The following ASPRV1 variants were observed in gnomAD, a reference collection of about 807,000 sequenced individuals.
The protein encoded by ASPRV1 is retroviral-like aspartic protease 1.
Under a neutral mutation model 11.0 loss-of-function variants are expected in ASPRV1, and 7 were observed. The observed-to-expected ratio is 0.64, with a 90% CI of 0.36 to 1.20. The LOEUF (loss-of-function observed/expected upper bound fraction) is 1.20, where lower values mean the gene tolerates loss of function less well. Among genes scored for constraint, ASPRV1 ranks in the 50% most tolerant of loss-of-function variants. The pLI is 0.02. For synonymous variants in ASPRV1, 136 were observed against 138.4 expected (o/e 0.98, Z 0.12); for missense variants, 299 against 320.0 (o/e 0.93, Z 0.50).
At chr2:70,001,569 C>A in the ASPRV1 span, among the ~76,000 whole-genome samples, 2 of 152,086 alleles carry the variant, frequency 1.3e-5, no homozygotes, top group South Asian at 4.1e-4. Context: ...ACCAGCCTGA[C>A]CAACATGGTG....
chr2:70,023,807 T>C, the ASPRV1 span, among the ~76,000 whole-genome samples: 1 of 152,204 alleles, frequency 6.6e-6, no homozygotes, highest in Non-Finnish European at 1.5e-5. Context: ...TAATTGTTTG[T>C]AAGTGAAAGT....
the ASPRV1 span, among the ~76,000 whole-genome samples, chr2:70,071,967 T>TA: frequency 2.8e-4 from 42 of 150,888 alleles, no homozygotes; most frequent in Admixed American, 1.9e-3. Flanking sequence ...TTTTTTTTTT[T>TA]ATGAGAAAGA....
the ASPRV1 span, among the ~76,000 whole-genome samples, chr2:70,023,145 T>C: frequency 1.3e-5 from 2 of 152,180 alleles, no homozygotes; most frequent in Non-Finnish European, 2.9e-5. Flanking sequence ...GCCTGATAAG[T>C]AGTCCCGCCA....
chr2:69,976,973 C>T, the ASPRV1 span, among the ~76,000 whole-genome samples: 1 of 152,094 alleles, frequency 6.6e-6, no homozygotes, highest in African/African-American at 2.4e-5. Context: ...AGGTGGATCG[C>T]CTGAGGTCAG....
the ASPRV1 span, among the ~76,000 whole-genome samples, chr2:69,994,514 T>C: frequency 5.3e-5 from 8 of 152,252 alleles, no homozygotes; most frequent in East Asian, 9.7e-4. Context: ...GTGCAGCATG[T>C]GGGCGGTACA....
chr2:69,987,294 G>C, the ASPRV1 span, among the ~76,000 whole-genome samples: 1 of 151,974 alleles, frequency 6.6e-6, no homozygotes, highest in Admixed American at 6.6e-5. Context: ...GGCATCTCCT[G>C]TCTCCCTTCT....
chr2:70,026,731 C>T, the ASPRV1 span, among the ~76,000 whole-genome samples: 2 of 152,084 alleles, frequency 1.3e-5, no homozygotes, highest in African/African-American at 4.8e-5. Flanking sequence ...ATATCTCATG[C>T]TCATAGATTG....
chr2:70,055,489 G>A, the ASPRV1 span: 1 of 152,124 alleles, frequency 6.6e-6, no homozygotes. Context: ...GCAGGGACAT[G>A]GATGAAGCTG....
At chr2:70,030,756 T>C in the ASPRV1 span, 2 of 152,088 alleles carry the variant, frequency 1.3e-5, no homozygotes, top group Non-Finnish European at 2.9e-5. Flanking sequence ...GTGTATAAGA[T>C]ACAGAGGGGA....
the ASPRV1 span, among the ~76,000 whole-genome samples, chr2:69,997,111 A>G: frequency 3.3e-5 from 5 of 151,820 alleles, no homozygotes; most frequent in Admixed American, 2.6e-4. Flanking sequence ...GCTTAAGCCC[A>G]GAAGTTGAAA....
the ASPRV1 span, among the ~76,000 whole-genome samples, chr2:69,981,505 T>C: frequency 7.2e-5 from 11 of 152,214 alleles, no homozygotes; most frequent in Non-Finnish European, 1.5e-4. Context: ...CATTTATAAA[T>C]TTTTACACAA....
At chr2:69,940,497 T>A in the ASPRV1 span, 1 of 152,640 alleles carries the variant, frequency 6.6e-6, no homozygotes, top group Non-Finnish European at 1.5e-5. Flanking sequence ...TTTGTGTACT[T>A]CTTTGTTTAA....
chr2:70,037,087 A>G, the ASPRV1 span, among the ~76,000 whole-genome samples: 4 of 152,112 alleles, frequency 2.6e-5, no homozygotes, highest in Non-Finnish European at 2.9e-5. Flanking sequence ...TCTAAATGGA[A>G]ATCTCCAGCC....
the ASPRV1 span, among the ~76,000 whole-genome samples, chr2:70,068,780 A>AT: frequency 4.9e-4 from 74 of 150,666 alleles, no homozygotes; most frequent in African/African-American, 1.8e-3. Flanking sequence ...CTAAAAAAAA[A>AT]AAAAAAATAA....
chr2:70,060,206 T>C, the ASPRV1 span: 1 of 151,740 alleles, frequency 6.6e-6, no homozygotes, highest in Admixed American at 6.6e-5. Flanking sequence ...CTGGGTGTGG[T>C]GGCGCACATC....
At chr2:70,072,525 C>T in the ASPRV1 span, among the ~76,000 whole-genome samples, 1 of 151,586 alleles carries the variant, frequency 6.6e-6, no homozygotes, top group Admixed American at 6.6e-5. Context: ...GAGTTTGAGA[C>T]CAGCCTAGCC....
At chr2:69,952,727 T>G in the ASPRV1 span, among the ~76,000 whole-genome samples, 1 of 152,178 alleles carries the variant, frequency 6.6e-6, no homozygotes, top group Non-Finnish European at 1.5e-5. Flanking sequence ...CAGGATGTTT[T>G]GCAGCCTCTG....
the ASPRV1 span, chr2:69,940,417 G>A: frequency 6.6e-6 from 1 of 152,530 alleles, no homozygotes; most frequent in African/African-American, 2.4e-5. Flanking sequence ...CACAATGCGG[G>A]ACAGCATCAA....
At chr2:70,044,708 C>CTCGG in the ASPRV1 span, among the ~76,000 whole-genome samples, 1 of 152,198 alleles carries the variant, frequency 6.6e-6, no homozygotes, top group Non-Finnish European at 1.5e-5. Context: ...ATCCGCCCAC[C>CTCGG]TCGGCCTCCC....
Sources: gnomAD v4.1 joint callset for allele counts (sites outside exome capture counted in the v4.1 genomes callset) on GRCh38, gnomAD v4.1.1 for gene constraint, MANE v1.5 for transcripts, NCBI Gene and HGNC (gene_info 2026-07-23, HGNC 2026-07-21) for gene names.